Variants in RGS6 observed in about 807,000 individuals in gnomAD.
RGS6 encodes the protein regulator of G protein signaling 6, also known as regulator of G-protein signaling 6.
A neutral mutation model predicts 78.5 loss-of-function variants in RGS6; 30 were observed. That is an observed-to-expected ratio of 0.38 (90% CI 0.29 to 0.52). The LOEUF (loss-of-function observed/expected upper bound fraction) is 0.52. RGS6 is among the 20% of genes least tolerant of loss of function. RGS6 has a pLI of 0.85. For missense variants in RGS6, 495 were observed against 609.7 expected (o/e 0.81, Z 1.98); for synonymous variants, 206 against 206.0 (o/e 1.00, Z 0.00).
chr14:72,188,186 T>G (rs1297909973), intron 2 of RGS6, among the ~76,000 whole-genome samples: 5 of 152,222 alleles, frequency 3.3e-5, no homozygotes, highest in African/African-American at 1.2e-4. Flanking sequence ...GCTGTTGCTG[T>G]GAGTCCAATG....
chr14:72,411,057 T>A (rs2093372541), intron 3 of RGS6, among the ~76,000 whole-genome samples: 1 of 152,202 alleles, frequency 6.6e-6, no homozygotes, highest in African/African-American at 2.4e-5. Flanking sequence ...TGCGGGCTCT[T>A]TTTTGGTTCC....
At chr14:72,440,706 C>T (rs759003015) in intron 3 of RGS6, among the ~76,000 whole-genome samples, 1 of 152,144 alleles carries the variant, frequency 6.6e-6, no homozygotes, top group Non-Finnish European at 1.5e-5. Context: ...AACCACCGCG[C>T]CTGGTGAGCT....
chr14:72,587,425 A>T, the RGS6 span, among the ~76,000 whole-genome samples: 1 of 152,136 alleles, frequency 6.6e-6, no homozygotes, highest in African/African-American at 2.4e-5. Context: ...AGAGACAATG[A>T]GGTGGGTCCA....
intron 3 of RGS6, among the ~76,000 whole-genome samples, chr14:72,368,837 A>C (rs2082912458): frequency 6.6e-6 from 1 of 152,196 alleles, no homozygotes; most frequent in Non-Finnish European, 1.5e-5. Context: ...GCCCCCCAAA[A>C]TATCAGCTTC....
intron 2 of RGS6, among the ~76,000 whole-genome samples, chr14:72,297,024 T>G (rs941234505): frequency 2.0e-5 from 3 of 152,206 alleles, no homozygotes; most frequent in Non-Finnish European, 2.9e-5. Flanking sequence ...CTCAATTTCT[T>G]GAAAAGATGT....
chr14:71,899,191 CA>C, the RGS6 span, among the ~76,000 whole-genome samples: 1 of 152,092 alleles, frequency 6.6e-6, no homozygotes, highest in Non-Finnish European at 1.5e-5. Context: ...ATAAGAAATA[CA>C]GGTAAGCAAA....
intron 2 of RGS6, among the ~76,000 whole-genome samples, chr14:72,243,418 G>A (rs2332807): frequency 0.58 from 88,306 of 151,762 alleles, 26,190 homozygotes; most frequent in Middle Eastern, 0.7. Flanking sequence ...CAGTGTGAGA[G>A]ACATAATTGA....
the RGS6 span, among the ~76,000 whole-genome samples, chr14:71,916,303 G>A: frequency 3.3e-5 from 5 of 152,106 alleles, no homozygotes; most frequent in African/African-American, 9.7e-5. Flanking sequence ...CCAGCTACTC[G>A]GGCCACGAAA....
At chr14:72,616,484 C>T in the RGS6 span, among the ~76,000 whole-genome samples, 2 of 152,184 alleles carry the variant, frequency 1.3e-5, no homozygotes, top group Non-Finnish European at 2.9e-5. Context: ...TTGAAGAAGA[C>T]GTCTAACATT....
intron 15 of RGS6, among the ~76,000 whole-genome samples, chr14:72,520,382 G>T (rs1264638620): frequency 6.6e-6 from 1 of 152,070 alleles, no homozygotes; most frequent in Non-Finnish European, 1.5e-5. Context: ...ATCAGATTTA[G>T]GTTTGATTTT....
chr14:71,925,655 A>G, the RGS6 span, among the ~76,000 whole-genome samples: 1 of 146,710 alleles, frequency 6.8e-6, no homozygotes, highest in African/African-American at 2.5e-5. Flanking sequence ...TTTATTTAAG[A>G]GACTCTCCTT....
intron 2 of RGS6, among the ~76,000 whole-genome samples, chr14:72,126,146 A>G (rs573743321): frequency 9.8e-5 from 15 of 152,334 alleles, no homozygotes; most frequent in African/African-American, 3.1e-4. Context: ...TGAGAAGTTT[A>G]GGGTTGGGCT....
the RGS6 span, among the ~76,000 whole-genome samples, chr14:71,914,181 A>G: frequency 6.6e-6 from 1 of 152,170 alleles, no homozygotes; most frequent in Admixed American, 6.5e-5. Context: ...GCTGACTGCT[A>G]AGTTGTAGGC....
chr14:72,354,401 G>A (rs2079797124), intron 3 of RGS6, among the ~76,000 whole-genome samples: 4 of 151,480 alleles, frequency 2.6e-5, no homozygotes, highest in Admixed American at 2.6e-4. Flanking sequence ...TGAGGTGGGT[G>A]GATCACCTGA....
the RGS6 span, among the ~76,000 whole-genome samples, chr14:72,572,394 A>C: frequency 6.6e-6 from 1 of 152,266 alleles, no homozygotes; most frequent in South Asian, 2.1e-4. Context: ...GAAACAATTC[A>C]AATGTCTGTC....
intron 2 of RGS6, among the ~76,000 whole-genome samples, chr14:72,174,506 G>T (rs935016947): frequency 1.3e-5 from 2 of 152,182 alleles, no homozygotes; most frequent in Non-Finnish European, 1.5e-5. Context: ...TGACAAGAGG[G>T]TATCAGGAAA....
intron 15 of RGS6, among the ~76,000 whole-genome samples, chr14:72,525,319 A>G (rs907008316): frequency 3.0e-4 from 45 of 152,148 alleles, no homozygotes; most frequent in African/African-American, 9.2e-4. Context: ...TAAGTGTCAG[A>G]TGTTCTAGGC....
At chr14:72,038,481 G>A (rs1386632737) in intron 2 of RGS6, among the ~76,000 whole-genome samples, 1 of 151,874 alleles carries the variant, frequency 6.6e-6, no homozygotes, top group Non-Finnish European at 1.5e-5. Context: ...ATTAATTAGG[G>A]GAAGATTCAC....
the RGS6 span, among the ~76,000 whole-genome samples, chr14:71,925,246 A>G: frequency 6.6e-6 from 1 of 152,052 alleles, no homozygotes; most frequent in African/African-American, 2.4e-5. Flanking sequence ...TTCTTTGCTC[A>G]TTTTCTAATC....
Sources: gnomAD v4.1 joint callset for allele counts (sites outside exome capture counted in the v4.1 genomes callset) on GRCh38, gnomAD v4.1.1 for gene constraint, MANE v1.5 for transcripts, NCBI Gene and HGNC (gene_info 2026-07-23, HGNC 2026-07-21) for gene names.